PTP4A1: variants seen among roughly 807,000 people sequenced by gnomAD.
PTP4A1 encodes protein tyrosine phosphatase 4A1.
In PTP4A1, 9 loss-of-function variants were observed where a neutral mutation model predicts 20.5. The ratio of observed to expected loss-of-function variants is 0.44; its 90% CI spans 0.26 to 0.77. The LOEUF is 0.77. Ranked by LOEUF, PTP4A1 falls within the 30% of genes least tolerant of loss-of-function variation. PTP4A1 has a pLI of 0.19. For missense variants in PTP4A1, 137 were observed against 218.8 expected (o/e 0.63, Z 2.36); for synonymous variants, 78 against 67.4 (o/e 1.16, Z -0.77).
chr6:63,530,344 G>C (rs1229272302), intron 2 of PTP4A1, among the ~76,000 whole-genome samples: 1 of 152,144 alleles, frequency 6.6e-6, no homozygotes, highest in Admixed American at 6.6e-5. Flanking sequence ...AAGCACAAAG[G>C]CTGAATATTA....
At chr6:63,520,755 G>A (rs1442647872), upstream of PTP4A1, among the ~76,000 whole-genome samples, 1 of 151,984 alleles carries the variant, frequency 6.6e-6, no homozygotes, top group Non-Finnish European at 1.5e-5. Context: ...TTATTTCCTT[G>A]TCAATATGAT....
intron 1 of PTP4A1, among the ~76,000 whole-genome samples, chr6:63,526,669 G>T (rs947157725): frequency 6.6e-6 from 1 of 151,286 alleles, no homozygotes; most frequent in Non-Finnish European, 1.5e-5. Flanking sequence ...TTAGCTGGAC[G>T]TGGTGGCGTG....
chr6:63,557,719 A>G (rs528808503), intron 3 of PTP4A1, among the ~76,000 whole-genome samples: 2 of 152,338 alleles, frequency 1.3e-5, no homozygotes, highest in African/African-American at 2.4e-5. Flanking sequence ...TCTAGAAAGC[A>G]TAATGGAGTG....
At chr6:63,560,572 G>A (rs1035570560) in intron 3 of PTP4A1, among the ~76,000 whole-genome samples, 3 of 151,782 alleles carry the variant, frequency 2.0e-5, no homozygotes, top group African/African-American at 7.2e-5. Flanking sequence ...ACTAATCTGT[G>A]TATTTTTTTT....
upstream of PTP4A1, among the ~76,000 whole-genome samples, chr6:63,519,005 A>G (rs150201888): frequency 4.1e-4 from 62 of 152,280 alleles, 1 homozygote; most frequent in East Asian, 9.8e-3. Context: ...GTGCATATTC[A>G]CACTAAGTGA....
At chr6:63,519,198 T>C (rs547944173), upstream of PTP4A1, among the ~76,000 whole-genome samples, 1 of 151,946 alleles carries the variant, frequency 6.6e-6, no homozygotes, top group South Asian at 2.1e-4. Context: ...TCCCAGCTAC[T>C]CAGAAGGCTG....
chr6:63,526,541 G>A (rs1177546480), intron 1 of PTP4A1, among the ~76,000 whole-genome samples: 1 of 151,878 alleles, frequency 6.6e-6, no homozygotes, highest in Non-Finnish European at 1.5e-5. Flanking sequence ...CAGGCGCAGT[G>A]GCTCATGCCT....
At chr6:63,557,320 C>G (rs1241920698) in intron 3 of PTP4A1, among the ~76,000 whole-genome samples, 1 of 152,140 alleles carries the variant, frequency 6.6e-6, no homozygotes, top group Non-Finnish European at 1.5e-5. Flanking sequence ...AATCCCAGAA[C>G]TTTGGGAGGC....
At chr6:63,571,583 T>G (rs1777427730), upstream of PTP4A1, 1 of 152,254 alleles carries the variant, frequency 6.6e-6, no homozygotes, top group African/African-American at 2.4e-5. Flanking sequence ...ACATCAGTGC[T>G]TGACAAAACC....
chr6:63,528,286 C>T (rs897548271), intron 2 of PTP4A1, among the ~76,000 whole-genome samples: 1 of 152,144 alleles, frequency 6.6e-6, no homozygotes, highest in Non-Finnish European at 1.5e-5. Flanking sequence ...ATTTTCTGCT[C>T]CCATTGGGCT....
Position 63,581,475 on chromosome 6 carries a change from A to T in PTP4A1, c.*1301A>T, listed in dbSNP as rs1778218397. 6.5e-6 allele frequency: 1 copy of T among 152,688 alleles called. No homozygotes were observed. Among genetic ancestry groups the T allele is most frequent in the Middle Eastern group, 3.4e-3 (1 of 294 alleles). The allele number at this position is 152,688 out of a possible 1,614,324, so 9.5% of individuals were successfully genotyped here. A position where few individuals can be genotyped will look rare whatever the true frequency, so the allele number is the denominator to read the frequency against. Reference sequence around the variant, plus strand: ...ATCATCATTGAGATTGGTTTGCTTAAAATTAACTTATTTTGTAGAAGACAA... The same window carrying T: ...ATCATCATTGAGATTGGTTTGCTTATAATTAACTTATTTTGTAGAAGACAA... On this transcript the variant is annotated 3_prime_UTR_variant, in exon 6 of 6. Coordinates refer to ENST00000626021, the MANE Select transcript of PTP4A1 (RefSeq NM_003463.5).
rs1778265800 is a variant in PTP4A1 at position 63,581,994 on chromosome 6, A to G, written c.*1820A>G. On this transcript the variant is annotated 3_prime_UTR_variant, in exon 6 of 6. Coordinates refer to ENST00000626021, the MANE Select transcript of PTP4A1 (RefSeq NM_003463.5). The stretch of plus-strand genomic sequence containing the variant: ...AATGTAAAGGACTCAAAGTTTAAGT[A>G]AAAAGTGATACTCCACCTTGTGTTT... The G allele has an allele frequency of 6.6e-6, 1 of 152,186 alleles. No individual in the cohort carries two copies. Among genetic ancestry groups the G allele is most frequent in the African/African-American group, 2.4e-5 (1 of 41,452 alleles). 9.4% of individuals were successfully genotyped at this position (152,186 alleles called of 1,614,324 possible). A position where few individuals can be genotyped will look rare whatever the true frequency, so the allele number is the denominator to read the frequency against.
intron 2 of PTP4A1, chr6:63,548,749 C>T (rs1744153): frequency 0.35 from 240,351 of 678,178 alleles, 44,048 homozygotes; most frequent in Admixed American, 0.43. Flanking sequence ...TTTGCCTTTT[C>T]GAGCTTGCCA....
chr6:63,518,574 GAA>G (rs1265443945), upstream of PTP4A1, among the ~76,000 whole-genome samples: 2 of 152,102 alleles, frequency 1.3e-5, no homozygotes, highest in African/African-American at 4.8e-5. Flanking sequence ...GTATTTTACA[GAA>G]AAAGAAATGT....
intron 2 of PTP4A1, chr6:63,549,237 G>A: frequency 2.7e-6 from 2 of 737,882 alleles, no homozygotes; most frequent in South Asian, 2.8e-5. Context: ...CAGAGCAGCT[G>A]TTTGGTGGTC....
intron 3 of PTP4A1, among the ~76,000 whole-genome samples, chr6:63,554,253 G>A (rs1776573314): frequency 1.3e-5 from 2 of 152,084 alleles, no homozygotes; most frequent in Admixed American, 6.6e-5. Context: ...CTCTATTCTT[G>A]TCAAGCTTCT....
rs2758241 is a variant in PTP4A1, at chr6:63,533,558, G to A, written c.-640+5474G>A. Among the ~76,000 whole-genome samples, 526 of 152,256 alleles carry A rather than the reference G, an allele frequency of 3.5e-3. 3 individuals are homozygous for A. The highest frequency in any genetic ancestry group is 7.4e-3 in the African/African-American group (309 of 41,536). The stretch of plus-strand genomic sequence containing the variant: ...TAATGCTTACCAAACTATAGTATGC[G>A]TTGTTTAATCTTGAATACAAAGCTA... On this transcript the variant is annotated intron_variant, in intron 2 of 3. Coordinates refer to the PTP4A1 transcript ENST00000639568.
At chr6:63,566,277 G>A (rs1211049658) in intron 3 of PTP4A1, among the ~76,000 whole-genome samples, 2 of 152,210 alleles carry the variant, frequency 1.3e-5, no homozygotes, top group East Asian at 3.8e-4. Context: ...GCAGGGTGTT[G>A]CAATGTATTA....
intron 3 of PTP4A1, among the ~76,000 whole-genome samples, chr6:63,557,333 A>G (rs1776734320): frequency 2.0e-5 from 3 of 152,216 alleles, no homozygotes; most frequent in Admixed American, 2.0e-4. Context: ...TGGGAGGCCA[A>G]TGCAGGTGGA....
Sources: allele counts gnomAD v4.1 joint callset (sites outside exome capture counted in the v4.1 genomes callset), GRCh38; gene constraint gnomAD v4.1.1; transcripts MANE v1.5; gene names NCBI Gene and HGNC (gene_info 2026-07-23, HGNC 2026-07-21).